Variants in CELF2 observed in about 807,000 individuals in gnomAD.
CELF2 encodes the protein CUG triplet repeat RNA-binding protein 2.
A neutral mutation model predicts 62.6 loss-of-function variants in CELF2; 8 were observed. That is an observed-to-expected ratio of 0.13 (90% CI 0.07 to 0.23). The LOEUF (loss-of-function observed/expected upper bound fraction) is 0.23. Among genes scored for constraint, CELF2 ranks in the 10% least tolerant of loss-of-function variants. The pLI, the probability that CELF2 is intolerant of heterozygous loss-of-function variation, is 1.00. For synonymous variants in CELF2, 258 were observed against 250.0 expected, an observed-to-expected ratio of 1.03 and a Z score of -0.30; for missense variants, 333 against 671.0, an observed-to-expected ratio of 0.50 and a Z score of 5.56.
intron 4 of CELF2, among the ~76,000 whole-genome samples, chr10:11,254,354 C>G (rs934608312): frequency 1.3e-5 from 2 of 152,238 alleles, no homozygotes; most frequent in Non-Finnish European, 2.9e-5. Context: ...CGCACAGGTG[C>G]GCTCACACGC....
chr10:10,871,034 A>G (rs576967446), intron 1 of CELF2, among the ~76,000 whole-genome samples: 1 of 152,066 alleles, frequency 6.6e-6, no homozygotes, highest in Admixed American at 6.5e-5. Context: ...TAAATAATTG[A>G]ACAGTCTCTT....
At chr10:11,176,044 C>T (rs1250339397) in intron 2 of CELF2, among the ~76,000 whole-genome samples, 2 of 152,118 alleles carry the variant, frequency 1.3e-5, no homozygotes, top group South Asian at 2.1e-4. Context: ...GCAGAGAATG[C>T]GCTAGAGAGC....
the CELF2 span, among the ~76,000 whole-genome samples, chr10:10,791,459 A>G: frequency 1.3e-5 from 2 of 151,642 alleles, no homozygotes; most frequent in African/African-American, 4.9e-5. Context: ...ATTACAAATG[A>G]TTTTTAAATT....
At chr10:11,257,519 CA>C (rs1204772251) in intron 4 of CELF2, 24 of 509,432 alleles carry the variant, frequency 4.7e-5, no homozygotes, top group Admixed American at 3.2e-4. Flanking sequence ...TTAGTAAGCA[CA>C]AGCACACGGG....
chr10:11,223,720 C>T lies in CELF2; in HGVS notation c.354+6213C>T, dbSNP rs1241080578. Reference sequence around the variant, plus strand: ...GAAAGGGGTAGGGGCAGAGTGTAGACCCAGCCCCAAGTCGGGCTCAGCCAG... The same window carrying T: ...GAAAGGGGTAGGGGCAGAGTGTAGATCCAGCCCCAAGTCGGGCTCAGCCAG... On this transcript the variant is annotated intron_variant, in intron 3 of 12. Transcript: ENST00000633077. This position sits in a 1 kb window ranked among gnomAD's most constrained non-coding sequence, Gnocchi z 5.1. Among the ~76,000 whole-genome samples the T allele has an allele frequency of 6.6e-6, 1 of 151,780 alleles. No individual in the cohort carries two copies. Among genetic ancestry groups the T allele is most frequent in the East Asian group, 1.9e-4 (1 of 5,170 alleles).
At chr10:10,846,027 A>G in intron 1 of CELF2, 1 of 760,402 alleles carries the variant, frequency 1.3e-6, no homozygotes, top group Non-Finnish European at 1.6e-6. Context: ...CATCTGTAAA[A>G]TGACTCATTA....
At chr10:10,830,279 T>TAAAAAA (rs57725749) in intron 1 of CELF2, among the ~76,000 whole-genome samples, 7 of 122,512 alleles carry the variant, frequency 5.7e-5, no homozygotes, top group Admixed American at 2.5e-4. Context: ...GGAGTTCCTT[T>TAAAAAA]AAAAAAAAAA....
the CELF2 span, among the ~76,000 whole-genome samples, chr10:10,479,169 T>A: frequency 6.6e-6 from 1 of 152,016 alleles, no homozygotes; most frequent in African/African-American, 2.4e-5. Flanking sequence ...TCTAAACTAA[T>A]TTTTTTTGTT....
chr10:11,190,072 T>A (rs2075947853), intron 2 of CELF2, among the ~76,000 whole-genome samples: 1 of 152,236 alleles, frequency 6.6e-6, no homozygotes, highest in African/African-American at 2.4e-5. Flanking sequence ...TTCTGCAAAC[T>A]CCTGTAAAGA....
chr10:10,648,789 T>C, the CELF2 span, among the ~76,000 whole-genome samples: 22 of 152,210 alleles, frequency 1.4e-4, no homozygotes, highest in African/African-American at 4.8e-4. Flanking sequence ...CATCCTTAAA[T>C]GTCATGATTA....
At chr10:11,250,076 C>T (rs1589830314) in intron 4 of CELF2, among the ~76,000 whole-genome samples, 1 of 152,220 alleles carries the variant, frequency 6.6e-6, no homozygotes, top group African/African-American at 2.4e-5. Context: ...TATGATTGGG[C>T]TCTAAATCTC....
intron 1 of CELF2, among the ~76,000 whole-genome samples, chr10:10,839,101 A>T (rs1334002682): frequency 6.6e-6 from 1 of 152,048 alleles, no homozygotes; most frequent in Non-Finnish European, 1.5e-5. Flanking sequence ...AGCCAACATC[A>T]CTCCACTGCA....
chr10:10,986,473 G>A lies in CELF2; in HGVS notation c.89+66474G>A, dbSNP rs529135352. On this transcript the variant is annotated intron_variant, in intron 2 of 13. Coordinates refer to the CELF2 transcript ENST00000636488. ...AATGCGTTACATTAAAGGTGAAAAC[G>A]TGTGATAGGTGTTTTTTAAGTAGCT... Among the ~76,000 whole-genome samples, 17 of 152,216 alleles carry A rather than the reference G, an allele frequency of 1.1e-4. No individual in the cohort carries two copies. The South Asian group carries it at 2.3e-3, about 20-fold the overall frequency.
chr10:10,550,117 A>C, the CELF2 span, among the ~76,000 whole-genome samples: 1 of 152,232 alleles, frequency 6.6e-6, no homozygotes, highest in African/African-American at 2.4e-5. Flanking sequence ...CTTACCAATA[A>C]CATAAACAGT....
the CELF2 span, among the ~76,000 whole-genome samples, chr10:10,562,273 A>T: frequency 2.6e-5 from 4 of 152,210 alleles, no homozygotes; most frequent in East Asian, 7.7e-4. Flanking sequence ...TCCACATAAA[A>T]CTGTGAATTA....
At chr10:11,070,798 G>A (rs538346636) in intron 1 of CELF2, among the ~76,000 whole-genome samples, 1 of 152,148 alleles carries the variant, frequency 6.6e-6, no homozygotes. Flanking sequence ...TCGGGGAAGG[G>A]TGCATAGCAT....
At chr10:10,968,872 C>T (rs1007331799) in intron 2 of CELF2, among the ~76,000 whole-genome samples, 3 of 152,126 alleles carry the variant, frequency 2.0e-5, no homozygotes, top group Admixed American at 6.5e-5. Context: ...TAAGGAGATA[C>T]ATTTCTAATG....
Position 11,052,528 on chromosome 10 carries a change from G to T in CELF2, c.74+34365G>T, listed in dbSNP as rs1417529140. 2.0e-5 allele frequency among the ~76,000 whole-genome samples: 3 copies of T among 152,104 alleles called. No individual in the cohort carries two copies. The East Asian group carries it at 5.8e-4, about 29-fold the overall frequency. ...GGTGATGTCCTGTGGGTTATCAGAT[G>T]AACTTTTGTCCTGTTCAGAACCAAG... On this transcript the variant is annotated intron_variant, in intron 1 of 12. Transcript: ENST00000633077.
intron 1 of CELF2, among the ~76,000 whole-genome samples, chr10:11,059,612 G>T (rs973872887): frequency 3.9e-5 from 6 of 152,192 alleles, no homozygotes; most frequent in African/African-American, 1.4e-4. Context: ...AAGGCTTGGA[G>T]TCCAAGGAAA....
Sources: allele counts gnomAD v4.1 joint callset (sites outside exome capture counted in the v4.1 genomes callset), GRCh38; gene constraint gnomAD v4.1.1; non-coding constraint Gnocchi (gnomAD v3.1); transcripts MANE v1.5; gene names NCBI Gene and HGNC (gene_info 2026-07-23, HGNC 2026-07-21).